The following GRID2 variants were observed in gnomAD, a reference collection of about 807,000 sequenced individuals.
The protein encoded by GRID2 is glutamate receptor ionotropic, delta-2.
GRID2 carries 33 observed loss-of-function variants against 114.8 expected under a neutral mutation model. That is an observed-to-expected ratio of 0.29 (90% CI 0.22 to 0.38). The LOEUF (loss-of-function observed/expected upper bound fraction) is 0.38, where lower values mean the gene tolerates loss of function less well. GRID2 is among the 10% of genes least tolerant of loss of function. The pLI, the probability that GRID2 is intolerant of heterozygous loss-of-function variation, is 1.00. For synonymous variants in GRID2, 505 were observed against 449.9 expected, an observed-to-expected ratio of 1.12 and a Z score of -1.55; for missense variants, 1,184 against 1,257.7, an observed-to-expected ratio of 0.94 and a Z score of 0.89.
chr4:93,058,856 C>T (rs948290138), intron 2 of GRID2, among the ~76,000 whole-genome samples: 8 of 151,866 alleles, frequency 5.3e-5, no homozygotes, highest in Middle Eastern at 3.2e-3. Context: ...AAATTTAATG[C>T]AATTTCAGTA....
chr4:92,614,077 T>C (rs1729884628), intron 2 of GRID2, among the ~76,000 whole-genome samples: 1 of 151,556 alleles, frequency 6.6e-6, no homozygotes, highest in East Asian at 2.0e-4. Context: ...TTTGAAACCA[T>C]ATATTATTAT....
chr4:93,656,270 G>A (rs1011260503), intron 14 of GRID2, among the ~76,000 whole-genome samples: 1 of 151,798 alleles, frequency 6.6e-6, no homozygotes, highest in African/African-American at 2.4e-5. Context: ...TTGTCTAAGT[G>A]GGAACTATTT....
At chr4:92,730,904 TG>T (rs2149324181) in intron 2 of GRID2, among the ~76,000 whole-genome samples, 1 of 152,050 alleles carries the variant, frequency 6.6e-6, no homozygotes, top group African/African-American at 2.4e-5. Context: ...AGTAAAAAGG[TG>T]GGTTTGAATA....
intron 4 of GRID2, among the ~76,000 whole-genome samples, chr4:93,155,155 A>G (rs1737063624): frequency 6.6e-6 from 1 of 151,908 alleles, no homozygotes; most frequent in South Asian, 2.1e-4. Context: ...TTGAAATTGT[A>G]TATTCATGAT....
chr4:92,915,253 T>C (rs1274072671), intron 2 of GRID2, among the ~76,000 whole-genome samples: 1 of 152,190 alleles, frequency 6.6e-6, no homozygotes, highest in African/African-American at 2.4e-5. Flanking sequence ...GATTATGTCC[T>C]ATTAGCCTTA....
chr4:93,791,747 G>A (rs561783562), intron 1 of GRID2, among the ~76,000 whole-genome samples: 1 of 152,118 alleles, frequency 6.6e-6, no homozygotes, highest in Non-Finnish European at 1.5e-5. Context: ...TCCTCCTCTA[G>A]TACAGACTGA....
chr4:92,832,883 C>T (rs1036533820), intron 2 of GRID2, among the ~76,000 whole-genome samples: 1 of 152,110 alleles, frequency 6.6e-6, no homozygotes, highest in Non-Finnish European at 1.5e-5. Context: ...AATGAACTCA[C>T]TTTTATCAAT....
chr4:93,704,629 G>T (rs891967991), intron 14 of GRID2, among the ~76,000 whole-genome samples: 1 of 152,040 alleles, frequency 6.6e-6, no homozygotes, highest in Admixed American at 6.6e-5. Flanking sequence ...CCCAGCCTCT[G>T]GTAACCATCA....
At chr4:93,011,647 A>G (rs1042828330) in intron 2 of GRID2, among the ~76,000 whole-genome samples, 2 of 152,114 alleles carry the variant, frequency 1.3e-5, no homozygotes, top group Non-Finnish European at 2.9e-5. Flanking sequence ...ACCATGTCAC[A>G]TTGACAATTA....
chr4:93,368,736 T>C (rs1762583354), intron 8 of GRID2, among the ~76,000 whole-genome samples: 1 of 152,080 alleles, frequency 6.6e-6, no homozygotes, highest in South Asian at 2.1e-4. Context: ...ATTAGGTAAA[T>C]TGGAATAAGA....
chr4:92,652,102 C>A (rs1159569389), intron 2 of GRID2, among the ~76,000 whole-genome samples: 1 of 152,002 alleles, frequency 6.6e-6, no homozygotes, highest in Non-Finnish European at 1.5e-5. Flanking sequence ...GCATGCACAA[C>A]TTTATGGTGT....
chr4:92,614,144 C>G (rs529063904), intron 2 of GRID2, among the ~76,000 whole-genome samples: 1 of 151,586 alleles, frequency 6.6e-6, no homozygotes, highest in East Asian at 2.0e-4. Context: ...TTTTATCTAG[C>G]TGTAATTACG....
rs1305760900 is a variant in GRID2 at position 93,695,122 on chromosome 4, G to A, written c.2360+68687G>A. Among the ~76,000 whole-genome samples the A allele has an allele frequency of 1.1e-4, 16 of 148,838 alleles. No homozygotes were observed. The Admixed American group carries it at 1.1e-3, about 10-fold the overall frequency. On this transcript the variant is annotated intron_variant, in intron 14 of 15. Coordinates refer to ENST00000282020, the MANE Select transcript of GRID2 (RefSeq NM_001510.4). ...GGAGGCGGAAGTCGCAGTGAGCCGA[G>A]ATCGAGCCACTGCACTCCAGCCTGG... is the stretch of plus-strand genomic sequence containing the variant.
intron 2 of GRID2, among the ~76,000 whole-genome samples, chr4:92,958,308 C>G (rs1752564289): frequency 1.3e-5 from 2 of 151,974 alleles, no homozygotes; most frequent in Non-Finnish European, 2.9e-5. Context: ...TCAGTTTGAG[C>G]AAGTTCTATT....
At chr4:92,529,141 C>T (rs1462329565) in intron 1 of GRID2, among the ~76,000 whole-genome samples, 2 of 152,020 alleles carry the variant, frequency 1.3e-5, no homozygotes, top group Non-Finnish European at 2.9e-5. Flanking sequence ...GGAAAACAAA[C>T]ATAATGTGCT....
At chr4:92,686,295 ATCTT>A (rs139894821) in intron 2 of GRID2, among the ~76,000 whole-genome samples, 2,679 of 152,236 alleles carry the variant, frequency 0.018, 37 homozygotes, top group East Asian at 0.067. Flanking sequence ...TCAGGAATAT[ATCTT>A]AATTGGTAAT....
intron 1 of GRID2, among the ~76,000 whole-genome samples, chr4:92,540,621 A>G (rs1236415403): frequency 6.6e-5 from 10 of 152,192 alleles, no homozygotes; most frequent in Non-Finnish European, 1.3e-4. Context: ...TAGAATGGCA[A>G]TCATTAAAAA....
At chr4:92,739,103 A>G (rs1736745370) in intron 2 of GRID2, among the ~76,000 whole-genome samples, 1 of 152,176 alleles carries the variant, frequency 6.6e-6, no homozygotes, top group East Asian at 1.9e-4. Flanking sequence ...TCTCCAGACT[A>G]TTTATAGTCA....
intron 8 of GRID2, among the ~76,000 whole-genome samples, chr4:93,344,421 T>C (rs535365658): frequency 2.0e-5 from 3 of 151,478 alleles, no homozygotes; most frequent in South Asian, 2.1e-4. Flanking sequence ...TTTTCTTTTT[T>C]CCCCCCTCAG....
Sources: gnomAD v4.1 joint callset for allele counts (sites outside exome capture counted in the v4.1 genomes callset) on GRCh38, gnomAD v4.1.1 for gene constraint, MANE v1.5 for transcripts, NCBI Gene and HGNC (gene_info 2026-07-23, HGNC 2026-07-21) for gene names.